Variants in DCP1B observed in about 807,000 individuals in gnomAD.
DCP1B encodes mRNA-decapping enzyme 1B.
Under a neutral mutation model 60.5 loss-of-function variants are expected in DCP1B, and 47 were observed. The ratio of observed to expected loss-of-function variants is 0.78; its 90% CI spans 0.61 to 0.99. DCP1B has a LOEUF of 0.99. DCP1B is among the 50% of genes least tolerant of loss of function. The pLI, the probability that DCP1B is intolerant of heterozygous loss-of-function variation, is 0.00. For missense variants in DCP1B, 725 were observed against 756.8 expected (o/e 0.96, Z 0.49); for synonymous variants, 267 against 280.3 (o/e 0.95, Z 0.47).
intron 3 of DCP1B, among the ~76,000 whole-genome samples, chr12:1,970,432 G>C (rs2031917158): frequency 6.6e-6 from 1 of 152,046 alleles, no homozygotes; most frequent in African/African-American, 2.4e-5. Flanking sequence ...CATTAACCAA[G>C]AGTTCTGGCT....
intron 4 of DCP1B, among the ~76,000 whole-genome samples, 197 bp from the exon 5 acceptor site, chr12:1,965,890 G>T (rs1592791641): frequency 6.6e-6 from 1 of 152,164 alleles, no homozygotes; most frequent in East Asian, 1.9e-4. Flanking sequence ...TCTAGGATAG[G>T]GGTCAGCAAA....
rs2030745233 is a variant in DCP1B, at chr12:1,953,073, C to A, written c.867G>T (p.Gln289His). The change falls in exon 7 of 9, where the codon CAG (glutamine) becomes CAT (histidine). Residue 289 changes from glutamine (Q) to histidine (H), a missense_variant. Physicochemically the swap from Gln to His is conservative, Grantham distance 24 (BLOSUM62 0). Coordinates refer to ENST00000280665, the MANE Select transcript of DCP1B (RefSeq NM_152640.5). ...PRRHSPPIEK[Q>H]LCPAIQKLMV... is the part of the protein sequence containing the mutation. The stretch of plus-strand genomic sequence containing the variant: ...TGAGTTTCTGAATGGCTGGACAGAG[C>A]TGCTTCTCAATGGGGGGTGAGTGTC... The A allele has an allele frequency of 6.2e-7, 1 of 1,614,040 alleles. No individual in the cohort carries two copies. The highest frequency in any genetic ancestry group is 1.3e-5 in the African/African-American group (1 of 74,912).
Position 1,948,048 on chromosome 12 carries a change from C to G in DCP1B, c.1773+1038G>C, listed in dbSNP as rs562718591. Among the ~76,000 whole-genome samples the G allele has an allele frequency of 1.3e-5, 2 of 152,328 alleles. No homozygotes were observed. The highest frequency in any genetic ancestry group is 3.9e-4 in the East Asian group (2 of 5,176). On this transcript the variant is annotated intron_variant, in intron 8 of 8. Coordinates refer to ENST00000280665, the MANE Select transcript of DCP1B (RefSeq NM_152640.5). The surrounding 1 kb of genome is among the most constrained non-coding windows in gnomAD (Gnocchi z 4.8). ...GATAAGACAACCGCAGAAGGGCTGG[C>G]CTGCTCTCTAAAGGCCGTCTGATGC...
chr12:1,997,921 T>A lies in DCP1B; in HGVS notation c.191+14A>T, dbSNP rs1447674863. ...TTGAAGATTAGTTTCTTTATAAAAG[T>A]GAAACACTCTTACCTTGTATAAACA... On this transcript the variant is annotated intron_variant, in intron 2 of 8. Transcript: ENST00000280665. The A allele has an allele frequency of 1.0e-5, 16 of 1,595,650 alleles. No homozygotes were observed. The highest frequency in any genetic ancestry group is 1.4e-5 in the Non-Finnish European group (16 of 1,171,152).
intron 2 of DCP1B, among the ~76,000 whole-genome samples, chr12:1,996,680 A>G (rs2041002246): frequency 6.9e-6 from 1 of 145,884 alleles, no homozygotes; most frequent in Non-Finnish European, 1.5e-5. Context: ...AATGTTTTAA[A>G]GAAGTTTACG....
At chr12:1,984,346 T>C (rs898507024) in intron 3 of DCP1B, among the ~76,000 whole-genome samples, 1 of 152,090 alleles carries the variant, frequency 6.6e-6, no homozygotes, top group African/African-American at 2.4e-5. Flanking sequence ...TATTTGAATT[T>C]TTTAGTATTC....
rs34045825 is a variant in DCP1B at position 1,954,536 on chromosome 12, G to GTATA, written c.651+892_651+895dup. Among the ~76,000 whole-genome samples, 97 of 150,360 alleles carry GTATA rather than the reference G, an allele frequency of 6.5e-4. 1 individual carries two copies. The highest frequency in any genetic ancestry group is 1.9e-3 in the African/African-American group (77 of 41,126). ...TGTCATTGCTGTACTATTCTGAAGT[G>GTATA]TATATATATATATATATACACTAAC... On this transcript the variant is annotated intron_variant, in intron 6 of 8. Transcript: ENST00000280665.
intron 3 of DCP1B, among the ~76,000 whole-genome samples, chr12:1,989,301 G>C (rs1323385728): frequency 6.6e-6 from 1 of 152,224 alleles, no homozygotes; most frequent in South Asian, 2.1e-4. Context: ...CAATGCCATG[G>C]CACTCCAGCC....
chr12:1,996,638 A>C (rs886653265), intron 2 of DCP1B, among the ~76,000 whole-genome samples: 2,314 of 123,554 alleles, frequency 0.019, 178 homozygotes, highest in African/African-American at 0.07. Context: ...AAAAAAAAAA[A>C]AAAAAAAAAA....
chr12:1,943,541 TA>T (rs1336300079), downstream of DCP1B, among the ~76,000 whole-genome samples: 2 of 152,160 alleles, frequency 1.3e-5, no homozygotes, highest in Non-Finnish European at 2.9e-5. Flanking sequence ...AAATCCTTAA[TA>T]AAATACTGGC....
chr12:1,952,592 G>C lies in DCP1B; in HGVS notation c.1348C>G (p.Gln450Glu). 6.2e-7 allele frequency: 1 copy of C among 1,614,162 alleles called. No individual in the cohort carries two copies. Among genetic ancestry groups the C allele is most frequent in the Non-Finnish European group, 8.5e-7 (1 of 1,180,036 alleles). The change falls in exon 7 of 9, where the codon CAA becomes GAA. Residue 450 changes from glutamine to glutamate, a missense_variant. By Grantham distance (29) the Gln-to-Glu change is conservative. Transcript: ENST00000280665. Reference sequence around the variant, plus strand: ...ATCTGAAGCTTCTTCAGTAACTCTTGAGGGGAGATCACTCCAGAGCTGCCA... The same window carrying C: ...ATCTGAAGCTTCTTCAGTAACTCTTCAGGGGAGATCACTCCAGAGCTGCCA... The part of the protein sequence containing the change: ...QTGSSGVISP[Q>E]ELLKKLQIVQ...
chr12:1,943,306 T>A (rs2154456064), downstream of DCP1B, among the ~76,000 whole-genome samples: 1 of 152,050 alleles, frequency 6.6e-6, no homozygotes, highest in South Asian at 2.1e-4. Context: ...CAGTAATTAA[T>A]AGCCTATCAA....
At chr12:1,943,747 C>A (rs146884933), downstream of DCP1B, among the ~76,000 whole-genome samples, 13 of 152,004 alleles carry the variant, frequency 8.6e-5, no homozygotes, top group Admixed American at 2.0e-4. Flanking sequence ...CACCCCTTCA[C>A]GCTAAAAACT....
At position 1,953,090 on chromosome 12, in the gene DCP1B, G is replaced by T; in HGVS notation, c.850C>A (p.Pro284Thr). ...GGACAGAGCTGCTTCTCAATGGGGG[G>T]TGAGTGTCTTCTGGGTTCCTCATAG... Reference protein sequence around the residue: ...LSYEEPRRHSPPIEKQLCPAI... With the variant: ...LSYEEPRRHSTPIEKQLCPAI... The change falls in exon 7 of 9, where the codon CCC (proline) becomes ACC (threonine). Residue 284 changes from proline to threonine, a missense_variant. Coordinates refer to ENST00000280665, the MANE Select transcript of DCP1B (RefSeq NM_152640.5). 1 of 1,614,104 alleles carries T rather than the reference G, an allele frequency of 6.2e-7. No individual in the cohort carries two copies. The highest frequency in any genetic ancestry group is 8.5e-7 in the Non-Finnish European group (1 of 1,180,006).
rs2030756655 is a variant in DCP1B, at chr12:1,953,254, G to A, written c.686C>T (p.Thr229Ile). 6.2e-7 allele frequency: 1 copy of A among 1,602,362 alleles called. No homozygotes were observed. ...TTTGTCCTGCTTCCCAAACAGAGCT[G>A]TCAAGGATAAGTGTTGGGGTTCAGG... ...LDPEPQHLSL[T>I]ALFGKQDKAT... Residue 229 changes from threonine to isoleucine, a missense_variant, in exon 7 of 9, where the codon ACA becomes ATA. Thr to Ile is a moderately conservative substitution (Grantham distance 89). Coordinates refer to ENST00000280665, the MANE Select transcript of DCP1B (RefSeq NM_152640.5).
chr12:1,956,345 C>T (rs1338245940), intron 5 of DCP1B, among the ~76,000 whole-genome samples: 1 of 152,224 alleles, frequency 6.6e-6, no homozygotes, highest in Non-Finnish European at 1.5e-5. Flanking sequence ...TACAGACTCT[C>T]TGAAGCATCA....
intron 3 of DCP1B, among the ~76,000 whole-genome samples, chr12:1,969,351 C>G (rs1463914849): frequency 1.3e-5 from 2 of 152,086 alleles, no homozygotes; most frequent in South Asian, 4.1e-4. Context: ...CTGAATTACT[C>G]ACTTGCCAAA....
intron 3 of DCP1B, among the ~76,000 whole-genome samples, chr12:1,969,545 C>CTTTT (rs780218221): frequency 4.6e-5 from 6 of 130,132 alleles, no homozygotes; most frequent in Non-Finnish European, 8.0e-5. Context: ...GGTACACTGA[C>CTTTT]TTTTTTTTTT....
chr12:1,988,942 G>T (rs964891103), intron 3 of DCP1B, among the ~76,000 whole-genome samples: 3 of 152,086 alleles, frequency 2.0e-5, no homozygotes, highest in African/African-American at 7.2e-5. Flanking sequence ...AAATAGTTTT[G>T]GTCCTAAATA....
Sources: gnomAD v4.1 joint callset for allele counts (sites outside exome capture counted in the v4.1 genomes callset) on GRCh38, gnomAD v4.1.1 for gene constraint, Gnocchi (gnomAD v3.1) non-coding constraint, MANE v1.5 for transcripts, NCBI Gene and HGNC (gene_info 2026-07-23, HGNC 2026-07-21) for gene names.